PLA2G4C: variants seen among roughly 807,000 people sequenced by gnomAD.
The protein encoded by PLA2G4C is cytosolic phospholipase A2 gamma.
In PLA2G4C, 64 loss-of-function variants were observed where a neutral mutation model predicts 73.8. The observed-to-expected ratio is 0.87, with a 90% CI of 0.71 to 1.07. The LOEUF is 1.07. PLA2G4C is among the 50% of genes least tolerant of loss of function. The pLI is 0.00. For missense variants in PLA2G4C, 622 were observed against 665.4 expected, an observed-to-expected ratio of 0.93 and a Z score of 0.72; for synonymous variants, 254 against 252.1, an observed-to-expected ratio of 1.01 and a Z score of -0.07.
At chr19:48,106,151 T>C (rs1600269305) in intron 2 of PLA2G4C, among the ~76,000 whole-genome samples, 1 of 150,346 alleles carries the variant, frequency 6.7e-6, no homozygotes, top group African/African-American at 2.4e-5. Context: ...GGTGCAATCA[T>C]AGCTTACTGC....
chr19:48,063,519 C>T (rs959100651), intron 13 of PLA2G4C, among the ~76,000 whole-genome samples: 3 of 151,624 alleles, frequency 2.0e-5, no homozygotes, highest in Non-Finnish European at 2.9e-5. Context: ...TTTCCTTTCA[C>T]AGCGTAAACC....
In PLA2G4C at chr19:48,074,822, C is replaced by T; in HGVS notation, c.951G>A (p.Trp317Ter). ...HTWLTEMLENWTRTSLEKQEQ... is the reference protein window; with the variant it reads ...HTWLTEMLEN ...CCTGCTTTTCCAGGGAGGTCCTGGTCCAATTCTCGAGCATCTCAGTCAGCC... is the reference window on the plus strand; with the variant it reads ...CCTGCTTTTCCAGGGAGGTCCTGGTTCAATTCTCGAGCATCTCAGTCAGCC... The change falls in exon 12 of 17, where the codon TGG (tryptophan) becomes TGA (stop). Residue 317 changes from tryptophan (W) to a stop codon, truncating the protein, a stop_gained. Transcript: ENST00000599921. LOFTEE classifies it high-confidence loss of function. 1 of 1,613,218 alleles carries T rather than the reference C, an allele frequency of 6.2e-7. No individual in the cohort carries two copies. The highest frequency in any genetic ancestry group is 8.5e-7 in the Non-Finnish European group (1 of 1,179,552).
chr19:48,054,386 C>A (rs981742589), intron 15 of PLA2G4C, among the ~76,000 whole-genome samples: 3 of 152,122 alleles, frequency 2.0e-5, no homozygotes, highest in Non-Finnish European at 4.4e-5. Flanking sequence ...TCACTGCAAC[C>A]TCCGCCTCCC....
intron 8 of PLA2G4C, among the ~76,000 whole-genome samples, chr19:48,089,553 T>C (rs138223821): frequency 6.6e-6 from 1 of 152,220 alleles, no homozygotes; most frequent in East Asian, 1.9e-4. Context: ...AAAAATAAGA[T>C]TAACATGTAA....
In PLA2G4C at chr19:48,074,838, T is replaced by C; in HGVS notation, c.935A>G (p.Glu312Gly). 6.2e-7 allele frequency: 1 copy of C among 1,612,412 alleles called. No individual in the cohort carries two copies. The highest frequency in any genetic ancestry group is 8.5e-7 in the Non-Finnish European group (1 of 1,179,130). ...GGTCCTGGTCCAATTCTCGAGCATCTCAGTCAGCCAGGTGTGTTCAGGCTC... is the reference window on the plus strand; with the variant it reads ...GGTCCTGGTCCAATTCTCGAGCATCCCAGTCAGCCAGGTGTGTTCAGGCTC... ...GGEPEHTWLTEMLENWTRTSL... is the reference protein window; with the variant it reads ...GGEPEHTWLTGMLENWTRTSL... The change falls in exon 12 of 17, where the codon GAG becomes GGG. Residue 312 changes from glutamate (E) to glycine (G), a missense_variant. Glu to Gly is a moderately conservative substitution (Grantham distance 98, BLOSUM62 -2). Coordinates refer to ENST00000599921, the MANE Select transcript of PLA2G4C (RefSeq NM_003706.3).
chr19:48,110,438 A>G (rs756726304), intron 1 of PLA2G4C, 49 bp downstream of exon 1: 2 of 1,360,056 alleles, frequency 1.5e-6, no homozygotes. Flanking sequence ...GTACTTGGTT[A>G]TGGCCGCCCC....
chr19:48,090,479 T>A, intron 7 of PLA2G4C, 62 bp from the exon 8 acceptor site: 2 of 1,212,734 alleles, frequency 1.6e-6, no homozygotes, highest in Admixed American at 1.7e-5. Flanking sequence ...ATGTTTGATA[T>A]TCAAAGCACC....
chr19:48,098,369 A>G (rs2031716758), intron 5 of PLA2G4C, 110 bp from the exon 6 acceptor site: 1 of 1,000,136 alleles, frequency 1.0e-6, no homozygotes, highest in Admixed American at 2.8e-5. Flanking sequence ...TCTGTCACCC[A>G]GGCTGGAGTG....
At chr19:48,075,354 T>A (rs1336455005) in intron 11 of PLA2G4C, among the ~76,000 whole-genome samples, 1 of 151,702 alleles carries the variant, frequency 6.6e-6, no homozygotes. Flanking sequence ...GCCCGGCTAA[T>A]TTTTGTATTT....
rs1340148092 is a variant in PLA2G4C, at chr19:48,097,251, C to CTTCTTTTTTTTTTTTTTTTT, written c.568+887_568+888insAAAAAAAAAAAAAAAAAGAA. ...AGTTTTCTTTACTTTTTTCTTTTTT[C>CTTCTTTTTTTTTTTTTTTTT]TTTTTTTTTTTTTTTTTTTGAGACG... On this transcript the variant is annotated intron_variant, in intron 6 of 16. Transcript: ENST00000599921. The CTTCTTTTTTTTTTTTTTTTT allele has an allele frequency of 3.5e-5, 3 of 86,570 alleles. 1 individual carries two copies. The highest frequency in any genetic ancestry group is 1.5e-4 in the African/African-American group (3 of 20,642). The allele number at this position is 86,570 out of a possible 1,614,324, so 5.4% of individuals were successfully genotyped here.
intron 7 of PLA2G4C, among the ~76,000 whole-genome samples, chr19:48,091,119 A>G (rs2031273825): frequency 6.6e-6 from 1 of 152,158 alleles, no homozygotes; most frequent in African/African-American, 2.4e-5. Flanking sequence ...CAGAAAATCT[A>G]GAATAAACCT....
rs767496175 is a variant in PLA2G4C at position 48,074,879 on chromosome 19, G to A, written c.899-5C>T. On this transcript the variant is annotated splice_polypyrimidine_tract_variant and splice_region_variant and intron_variant, in intron 11 of 16. Transcript: ENST00000599921. ...GTTCAGGCTCACCGCCTTCATCTAC[G>A]TCAAGAAATCCAGGTGGTCTCAGAC... 3.9e-5 allele frequency: 62 copies of A among 1,584,264 alleles called. No homozygotes were observed. In the South Asian group the frequency reaches 4.6e-4, roughly 12 times the overall value.
chr19:48,091,941 A>G (rs2031327681), intron 7 of PLA2G4C, among the ~76,000 whole-genome samples: 1 of 151,848 alleles, frequency 6.6e-6, no homozygotes, highest in South Asian at 2.1e-4. Flanking sequence ...CTGGTATCCA[A>G]AAAACCCCAG....
chr19:48,073,513 A>C (rs115902589), intron 12 of PLA2G4C, among the ~76,000 whole-genome samples: 3,659 of 151,854 alleles, frequency 0.024, 113 homozygotes, highest in African/African-American at 0.072. Context: ...GAGAGTTATT[A>C]TTTCATGCTA....
intron 12 of PLA2G4C, among the ~76,000 whole-genome samples, chr19:48,070,928 G>A (rs559261003): frequency 5.4e-4 from 10 of 18,648 alleles, no homozygotes; most frequent in East Asian, 0.01. Context: ...ATCCTGTCTC[G>A]GTTTCCGCCT....
At chr19:48,074,018 C>CGT (rs2029966404) in intron 12 of PLA2G4C, among the ~76,000 whole-genome samples, 1 of 151,938 alleles carries the variant, frequency 6.6e-6, no homozygotes, top group African/African-American at 2.4e-5. Context: ...ATGTGCAGGA[C>CGT]GTGTAGATTT....
intron 4 of PLA2G4C, among the ~76,000 whole-genome samples, chr19:48,102,762 G>A (rs1275110695): frequency 6.6e-6 from 1 of 152,180 alleles, no homozygotes; most frequent in Non-Finnish European, 1.5e-5. Context: ...TGGAAGGACT[G>A]TCCCAGATGA....
intron 6 of PLA2G4C, among the ~76,000 whole-genome samples, chr19:48,097,379 A>T (rs2031649065): frequency 6.8e-6 from 1 of 146,774 alleles, no homozygotes; most frequent in African/African-American, 2.6e-5. Context: ...CAGCCTCCCG[A>T]GCAGCTGGGA....
intron 9 of PLA2G4C, among the ~76,000 whole-genome samples, chr19:48,088,259 C>T (rs367584458): frequency 3.9e-5 from 6 of 152,004 alleles, no homozygotes; most frequent in South Asian, 2.1e-4. Context: ...AGCCATCACA[C>T]GAAGACTCCC....
Sources: gnomAD v4.1 joint callset for allele counts (sites outside exome capture counted in the v4.1 genomes callset) on GRCh38, gnomAD v4.1.1 for gene constraint, MANE v1.5 for transcripts, NCBI Gene and HGNC (gene_info 2026-07-23, HGNC 2026-07-21) for gene names.